AOPEP: variants seen among roughly 807,000 people sequenced by gnomAD.
The protein encoded by AOPEP is aminopeptidase O (putative).
AOPEP carries 77 observed loss-of-function variants against 98.1 expected under a neutral mutation model. That is an observed-to-expected ratio of 0.78 (90% CI 0.65 to 0.95). The LOEUF is 0.95. AOPEP is among the 40% of genes least tolerant of loss of function. AOPEP has a pLI of 0.00. For missense variants in AOPEP, 1,024 were observed against 1,024.7 expected, an observed-to-expected ratio of 1.00 and a Z score of 0.01; for synonymous variants, 346 against 365.3, an observed-to-expected ratio of 0.95 and a Z score of 0.60.
intron 13 of AOPEP, among the ~76,000 whole-genome samples, chr9:95,027,744 G>A (rs2063958255): frequency 6.6e-6 from 1 of 152,144 alleles, no homozygotes; most frequent in African/African-American, 2.4e-5. Context: ...CAAAAGTTGT[G>A]CAGGAAACTT....
chr9:95,001,534 C>T (rs554268153), intron 11 of AOPEP, among the ~76,000 whole-genome samples: 13 of 152,326 alleles, frequency 8.5e-5, no homozygotes, highest in Non-Finnish European at 1.5e-4. Flanking sequence ...AGTTTCTCTA[C>T]ACCCTACCTT....
chr9:95,001,916 C>A (rs1214380278), intron 11 of AOPEP, among the ~76,000 whole-genome samples: 1 of 151,548 alleles, frequency 6.6e-6, no homozygotes, highest in African/African-American at 2.4e-5. Context: ...TAGCTGGTAC[C>A]GCAGGCTAAC....
the AOPEP span, among the ~76,000 whole-genome samples, chr9:95,122,150 GC>G: frequency 2.0e-5 from 3 of 152,098 alleles, no homozygotes; most frequent in Admixed American, 2.0e-4. Flanking sequence ...GAGCCACCAC[GC>G]CTGGCACATA....
In AOPEP at chr9:94,805,491, GT is replaced by G. The variant is rs545600539; in HGVS notation, c.1364+4500del. ...AAAGGTTTTTTGTTTTTTGTTTTTT[GT>G]TTTTTTTTTTAAAAAAAGCAACAAC... is the stretch of plus-strand genomic sequence containing the variant. On this transcript the variant is annotated intron_variant, in intron 5 of 16. Coordinates refer to ENST00000375315, the MANE Select transcript of AOPEP (RefSeq NM_001193329.3). Among the ~76,000 whole-genome samples, 584 of 140,880 alleles carry G rather than the reference GT, an allele frequency of 4.1e-3. 1 individual carries two copies. The highest frequency in any genetic ancestry group is 6.8e-3 in the Non-Finnish European group (443 of 65,094). The allele number at this position is 140,880 out of a possible 152,430, so 92.4% of individuals were successfully genotyped here.
At chr9:94,990,340 C>T (rs2060812772) in intron 11 of AOPEP, among the ~76,000 whole-genome samples, 1 of 152,152 alleles carries the variant, frequency 6.6e-6, no homozygotes, top group Non-Finnish European at 1.5e-5. Context: ...GAAAGAGTCA[C>T]TGAAGGAAGG....
the AOPEP span, chr9:95,127,211 T>G: frequency 6.5e-6 from 1 of 152,948 alleles, no homozygotes; most frequent in Non-Finnish European, 1.5e-5. Flanking sequence ...CTGCAGAAGC[T>G]GGCCTCCGGT....
At chr9:94,757,340 A>T (rs147420080) in intron 1 of AOPEP, among the ~76,000 whole-genome samples, 5 of 152,248 alleles carry the variant, frequency 3.3e-5, no homozygotes, top group Admixed American at 6.5e-5. Context: ...GAAAGAATCC[A>T]CTAAAGAGAA....
intron 16 of AOPEP, chr9:95,085,230 G>T: frequency 2.0e-6 from 1 of 496,826 alleles, no homozygotes; most frequent in Non-Finnish European, 4.2e-6. Flanking sequence ...GGCTGCTTGG[G>T]TTCCTGGCAT....
chr9:94,998,036 G>A (rs1458279039), intron 11 of AOPEP, among the ~76,000 whole-genome samples: 2 of 151,952 alleles, frequency 1.3e-5, no homozygotes, highest in East Asian at 3.9e-4. Flanking sequence ...TGAATATCAA[G>A]CCCTGTAAAT....
intron 16 of AOPEP, chr9:95,085,866 G>A (rs1245530665): frequency 1.7e-6 from 2 of 1,183,006 alleles, no homozygotes; most frequent in Non-Finnish European, 2.1e-6. Flanking sequence ...GAGCGGGGCG[G>A]GGCGGGGCTT....
chr9:95,009,900 G>C (rs2062363279), intron 13 of AOPEP, among the ~76,000 whole-genome samples: 1 of 150,818 alleles, frequency 6.6e-6, no homozygotes, highest in Admixed American at 6.6e-5. Context: ...TTTTCATTGA[G>C]CCCAAATGAT....
chr9:94,748,570 A>C (rs546437370), intron 1 of AOPEP, among the ~76,000 whole-genome samples: 1 of 152,220 alleles, frequency 6.6e-6, no homozygotes, highest in African/African-American at 2.4e-5. Flanking sequence ...TAGCCCTGGC[A>C]TAATGCTTTT....
At chr9:94,888,592 C>T (rs1054050606) in intron 5 of AOPEP, among the ~76,000 whole-genome samples, 14 of 152,122 alleles carry the variant, frequency 9.2e-5, no homozygotes, top group Admixed American at 8.5e-4. Context: ...TGTCTCACAT[C>T]TAAGAGAATT....
chr9:94,861,866 T>G (rs1183751711), intron 5 of AOPEP, among the ~76,000 whole-genome samples: 1 of 152,174 alleles, frequency 6.6e-6, no homozygotes. Context: ...CTGAAGCACG[T>G]TCTGCGAGTG....
chr9:95,003,159 T>TGTGTGTGTGC (rs1374433409), intron 11 of AOPEP, among the ~76,000 whole-genome samples: 9 of 150,466 alleles, frequency 6.0e-5, no homozygotes, highest in Admixed American at 5.3e-4. Context: ...TGTGTGTGTG[T>TGTGTGTGTGC]GTGTGTGCGC....
At chr9:95,123,578 C>T in the AOPEP span, 1 of 576,842 alleles carries the variant, frequency 1.7e-6, no homozygotes, top group South Asian at 1.4e-5. Flanking sequence ...CCACGTGCAG[C>T]CTATTTGCGA....
intron 5 of AOPEP, among the ~76,000 whole-genome samples, chr9:94,899,436 A>G (rs2050099165): frequency 6.7e-6 from 1 of 150,194 alleles, no homozygotes; most frequent in Non-Finnish European, 1.5e-5. Flanking sequence ...TAACCGTGCA[A>G]CTGTTAGCTT....
At chr9:94,822,355 G>C (rs903309445) in intron 5 of AOPEP, among the ~76,000 whole-genome samples, 1 of 152,100 alleles carries the variant, frequency 6.6e-6, no homozygotes, top group African/African-American at 2.4e-5. Context: ...TAAGACCAAG[G>C]GAAATGACTT....
intron 5 of AOPEP, among the ~76,000 whole-genome samples, chr9:94,817,351 T>G (rs992896718): frequency 6.6e-6 from 1 of 152,190 alleles, no homozygotes; most frequent in African/African-American, 2.4e-5. Context: ...GTCTTTGGCA[T>G]GAAATGAAGA....
Sources: allele counts gnomAD v4.1 joint callset (sites outside exome capture counted in the v4.1 genomes callset), GRCh38; gene constraint gnomAD v4.1.1; transcripts MANE v1.5; gene names NCBI Gene and HGNC (gene_info 2026-07-23, HGNC 2026-07-21).